NLRX1: variants seen among roughly 807,000 people sequenced by gnomAD.
The protein encoded by NLRX1 is NLR family member X1, also known as NOD-like receptor X1.
In NLRX1, 67 loss-of-function variants were observed where a neutral mutation model predicts 74.2. That is an observed-to-expected ratio of 0.90 (90% CI 0.74 to 1.11). NLRX1 has a LOEUF of 1.11. Among genes scored for constraint, NLRX1 ranks in the 50% least tolerant of loss-of-function variants. NLRX1 has a pLI of 0.00. For missense variants in NLRX1, 1,191 were observed against 1,305.4 expected, an observed-to-expected ratio of 0.91 and a Z score of 1.35; for synonymous variants, 506 against 559.1, an observed-to-expected ratio of 0.91 and a Z score of 1.34.
At chr11:119,170,758 T>C (rs1165269098) in intron 1 of NLRX1, among the ~76,000 whole-genome samples, 6 of 152,098 alleles carry the variant, frequency 3.9e-5, no homozygotes, top group Non-Finnish European at 8.8e-5. Flanking sequence ...AGCTTGCTGG[T>C]GGCCAAGAAG....
At chr11:119,180,329 G>A in intron 7 of NLRX1, 41 bp downstream of exon 7, 2 of 1,465,958 alleles carry the variant, frequency 1.4e-6, no homozygotes, top group Non-Finnish European at 1.8e-6. Flanking sequence ...AGAGGGAAGA[G>A]GGTTGGAGGT....
In NLRX1 at chr11:119,172,520, C is replaced by T. The variant is rs1328077822; in HGVS notation, c.140+95C>T. 3 of 964,172 alleles carry T rather than the reference C, an allele frequency of 3.1e-6. No individual in the cohort carries two copies. In the African/African-American group the frequency reaches 4.9e-5, roughly 16 times the overall value. 59.7% of individuals were successfully genotyped at this position (964,172 alleles called of 1,614,324 possible). A position where few individuals can be genotyped will look rare whatever the true frequency, so the allele number is the denominator to read the frequency against. On this transcript the variant is annotated intron_variant, in intron 3 of 9. Coordinates refer to ENST00000409109, the MANE Select transcript of NLRX1 (RefSeq NM_001282144.2). The stretch of plus-strand genomic sequence containing the variant: ...TGGGGCTAGCTTGATCTCTTGGGGA[C>T]CTTGGGGAGGGGCTTGGTCCTTTGG...
intron 7 of NLRX1, among the ~76,000 whole-genome samples, chr11:119,180,709 A>G (rs1443021803): frequency 6.6e-6 from 1 of 151,224 alleles, no homozygotes; most frequent in Non-Finnish European, 1.5e-5. Flanking sequence ...CTCAAAAAAA[A>G]AAAAAAAAGT....
chr11:119,182,368 T>A, intron 9 of NLRX1, 23 bp downstream of exon 9: 4 of 1,601,542 alleles, frequency 2.5e-6, no homozygotes, highest in Non-Finnish European at 3.4e-6. Context: ...CCTGGTCCCA[T>A]TGCCCCCAGC....
In NLRX1 at chr11:119,175,243, G is replaced by A. The variant is rs372662621; in HGVS notation, c.1640G>A (p.Arg547Gln). The change falls in exon 6 of 10, where the codon CGG (arginine) becomes CAG (glutamine). Residue 547 changes from arginine to glutamine, a missense_variant. By Grantham distance (43) the Arg-to-Gln change is conservative. Transcript: ENST00000409109. ...ATCATGGCCAAGCTGCTGCCTCTGC[G>A]GGCTCTGCCTCTGCTCTTCAACCTG... The part of the protein sequence containing the change: ...LGIMAKLLPL[R>Q]ALPLLFNLIK... The A allele has an allele frequency of 8.1e-6, 13 of 1,613,966 alleles. 1 individual carries two copies. In the African/African-American group the frequency reaches 1.3e-4, roughly 17 times the overall value.
intron 6 of NLRX1, among the ~76,000 whole-genome samples, chr11:119,177,025 G>A (rs1438204573): frequency 6.6e-6 from 1 of 152,136 alleles, no homozygotes. Flanking sequence ...CTAATATGAA[G>A]ATGAAATGAA....
chr11:119,175,158 G>T lies in NLRX1; in HGVS notation c.1555G>T (p.Gly519Cys). The T allele has an allele frequency of 6.2e-7, 1 of 1,614,196 alleles. No homozygotes were observed. The highest frequency in any genetic ancestry group is 8.5e-7 in the Non-Finnish European group (1 of 1,180,034). ...GLRKTTLQKVGKEVAELVGRV... is the reference protein window; with the variant it reads ...GLRKTTLQKVCKEVAELVGRV... Reference sequence around the variant, plus strand: ...GCGCAAGACGACCCTGCAAAAGGTGGGCAAGGAAGTGGCTGAGCTCGTGGG... The same window carrying T: ...GCGCAAGACGACCCTGCAAAAGGTGTGCAAGGAAGTGGCTGAGCTCGTGGG... The change falls in exon 6 of 10, where the codon GGC (glycine) becomes TGC (cysteine). Residue 519 changes from glycine (G) to cysteine (C), a missense_variant. Gly to Cys is a radical substitution (Grantham distance 159). Coordinates refer to ENST00000409109, the MANE Select transcript of NLRX1 (RefSeq NM_001282144.2).
intron 2 of NLRX1, among the ~76,000 whole-genome samples, chr11:119,171,859 G>A (rs1361500354): frequency 6.6e-6 from 1 of 152,100 alleles, no homozygotes; most frequent in Non-Finnish European, 1.5e-5. Flanking sequence ...GGGAGGCTGA[G>A]GCAGGAGAAT....
In NLRX1 at chr11:119,174,952, G is replaced by A. The variant is rs759172444; in HGVS notation, c.1349G>A (p.Cys450Tyr). 2.5e-6 allele frequency: 4 copies of A among 1,613,932 alleles called. No homozygotes were observed. In the African/African-American group the frequency reaches 4.0e-5, roughly 16 times the overall value. The stretch of plus-strand genomic sequence containing the variant: ...ACCTACTTCTCTGAAGAGGATGTCT[G>A]TGGCTGCCTGGAGGCTGGCATCAGG... ...RKTYFSEEDVCGCLEAGIRTE... is the reference protein window; with the variant it reads ...RKTYFSEEDVYGCLEAGIRTE... Residue 450 changes from cysteine (C) to tyrosine (Y), a missense_variant, in exon 6 of 10, where the codon TGT (cysteine) becomes TAT (tyrosine). Coordinates refer to ENST00000409109, the MANE Select transcript of NLRX1 (RefSeq NM_001282144.2).
At position 119,173,758 on chromosome 11, in the gene NLRX1, C is replaced by T; in HGVS notation, c.509C>T (p.Thr170Ile). 1 of 1,613,702 alleles carries T rather than the reference C, an allele frequency of 6.2e-7. No individual in the cohort carries two copies. The highest frequency in any genetic ancestry group is 8.5e-7 in the Non-Finnish European group (1 of 1,180,020). Residue 170 changes from threonine (T) to isoleucine (I), a missense_variant, in exon 5 of 10, where the codon ACA (threonine) becomes ATA (isoleucine). Thr to Ile is a moderately conservative substitution (Grantham distance 89). Transcript: ENST00000409109. This position sits in a 1 kb window ranked among gnomAD's most constrained non-coding sequence, Gnocchi z 4.0. ...GTGGTGCTGTATGGGACAGTGGGCA[C>T]AGGCAAGAGCACGCTGGTGCGCAAG... ...QTVVLYGTVG[T>I]GKSTLVRKMV...
At chr11:119,170,000 GAAAAAAAAAAAA>G (rs59630475) in intron 1 of NLRX1, among the ~76,000 whole-genome samples, 9 of 40,310 alleles carry the variant, frequency 2.2e-4, no homozygotes, top group East Asian at 8.1e-4. Context: ...CCTGTCTCAG[GAAAAAAAAAAAA>G]AAAAAAAAAA....
chr11:119,175,123 T>C lies in NLRX1; in HGVS notation c.1520T>C (p.Val507Ala), dbSNP rs1351832538. The change falls in exon 6 of 10, where the codon GTG becomes GCG. Residue 507 changes from valine (V) to alanine (A), a missense_variant. Physicochemically the swap from Val to Ala is moderately conservative, Grantham distance 64. Coordinates refer to ENST00000409109, the MANE Select transcript of NLRX1 (RefSeq NM_001282144.2). ...GAATACCTGGCTGCCCTCTACATTG[T>C]GCTGGGTTTGCGCAAGACGACCCTG... ...MQEYLAALYI[V>A]LGLRKTTLQK... is the part of the protein sequence containing the mutation. The C allele has an allele frequency of 6.2e-7, 1 of 1,614,188 alleles. No homozygotes were observed. Among genetic ancestry groups the C allele is most frequent in the South Asian group, 1.1e-5 (1 of 91,088 alleles).
At chr11:119,180,480 G>GT (rs1948808532) in intron 7 of NLRX1, among the ~76,000 whole-genome samples, 192 bp downstream of exon 7, 1 of 152,160 alleles carries the variant, frequency 6.6e-6, no homozygotes, top group Non-Finnish European at 1.5e-5. Flanking sequence ...CAAGGCGGGC[G>GT]TATCACCTGA....
In NLRX1 at chr11:119,182,160, C is replaced by T; in HGVS notation, c.2421C>T (p.Thr807=). ...TAATGGAGGGGCTGGCAGGAAACACCTCAGTGACGCACCTGTCCCTGCTGC... is the reference window on the plus strand; with the variant it reads ...TAATGGAGGGGCTGGCAGGAAACACTTCAGTGACGCACCTGTCCCTGCTGC... ...AVLMEGLAGN[T]SVTHLSLLHT... Residue 807 remains threonine, a synonymous_variant, in exon 9 of 10, where the codon ACC becomes ACT. Coordinates refer to ENST00000409109, the MANE Select transcript of NLRX1 (RefSeq NM_001282144.2). 1 of 1,614,160 alleles carries T rather than the reference C, an allele frequency of 6.2e-7. No homozygotes were observed. Among genetic ancestry groups the T allele is most frequent in the African/African-American group, 1.3e-5 (1 of 75,066 alleles).
At chr11:119,182,889 A>AAAAAAAC (rs1555222280) in intron 9 of NLRX1, among the ~76,000 whole-genome samples, 7 of 151,664 alleles carry the variant, frequency 4.6e-5, no homozygotes, top group African/African-American at 1.2e-4. Context: ...TCCATCTCAA[A>AAAAAAAC]AAAAACAAAA....
intron 6 of NLRX1, among the ~76,000 whole-genome samples, chr11:119,179,377 A>G (rs1271009404): frequency 6.6e-6 from 1 of 152,210 alleles, no homozygotes; most frequent in Non-Finnish European, 1.5e-5. Context: ...GCTTATGCCT[A>G]TAATCCTAGC....
upstream of NLRX1, chr11:119,168,487 C>T (rs896156340): frequency 5.2e-5 from 8 of 152,408 alleles, no homozygotes; most frequent in Admixed American, 1.3e-4. Flanking sequence ...GGAAGAATCC[C>T]CTGGACACCG....
At chr11:119,174,195 G>A in intron 5 of NLRX1, 97 bp downstream of exon 5, 1 of 1,458,664 alleles carries the variant, frequency 6.9e-7, no homozygotes, top group Non-Finnish European at 9.2e-7. Context: ...CTTCCCAGTG[G>A]TGCGACCCTG....
At position 119,179,824 on chromosome 11, in the gene NLRX1, C is replaced by G. The variant is rs772452852; in HGVS notation, c.1803C>G (p.Ile601Met). 4.3e-6 allele frequency: 7 copies of G among 1,614,204 alleles called. No individual in the cohort carries two copies. In the South Asian group the frequency reaches 7.7e-5, roughly 18 times the overall value. The stretch of plus-strand genomic sequence containing the variant: ...TTCTGGACCAGATGGGCGCCAGTAT[C>G]CTGGGCGTGGAGGGCCCCCGGCGCC... ...DDVLDQMGAS[I>M]LGVEGPRRHP... Residue 601 changes from isoleucine to methionine, a missense_variant, in exon 7 of 10, where the codon ATC becomes ATG. Physicochemically the swap from Ile to Met is conservative, Grantham distance 10 (BLOSUM62 1). Coordinates refer to ENST00000409109, the MANE Select transcript of NLRX1 (RefSeq NM_001282144.2).
Sources: allele counts gnomAD v4.1 joint callset (sites outside exome capture counted in the v4.1 genomes callset), GRCh38; gene constraint gnomAD v4.1.1; non-coding constraint Gnocchi (gnomAD v3.1); transcripts MANE v1.5; gene names NCBI Gene and HGNC (gene_info 2026-07-23, HGNC 2026-07-21).